The following ARHGAP28 variants were observed in gnomAD, a reference collection of about 807,000 sequenced individuals.
The protein encoded by ARHGAP28 is rho GTPase-activating protein 28.
A neutral mutation model predicts 90.7 loss-of-function variants in ARHGAP28; 56 were observed. The ratio of observed to expected loss-of-function variants is 0.62; its 90% CI spans 0.50 to 0.77. The LOEUF is 0.77. Among genes scored for constraint, ARHGAP28 ranks in the 30% least tolerant of loss-of-function variants. The pLI is 0.00. For missense variants in ARHGAP28, 869 were observed against 900.9 expected (o/e 0.96, Z 0.45); for synonymous variants, 308 against 323.3 (o/e 0.95, Z 0.51).
chr18:6,835,615 A>G (rs945501335), intron 2 of ARHGAP28, among the ~76,000 whole-genome samples: 13 of 152,230 alleles, frequency 8.5e-5, no homozygotes, highest in East Asian at 5.8e-4. Flanking sequence ...TCTTTAAACA[A>G]CCCTCACTTG....
chr18:6,786,396 A>G (rs941296704), intron 1 of ARHGAP28, among the ~76,000 whole-genome samples: 4 of 152,178 alleles, frequency 2.6e-5, no homozygotes, highest in Non-Finnish European at 4.4e-5. Context: ...ACCCAGGTCA[A>G]GATAAGCTGG....
intron 1 of ARHGAP28, among the ~76,000 whole-genome samples, chr18:6,803,330 T>C (rs1438672694): frequency 1.3e-5 from 2 of 152,198 alleles, no homozygotes; most frequent in East Asian, 3.8e-4. Context: ...TTCCCATATA[T>C]TGCGATGATC....
intron 14 of ARHGAP28, among the ~76,000 whole-genome samples, chr18:6,894,344 A>C: frequency 6.6e-6 from 1 of 152,190 alleles, no homozygotes; most frequent in East Asian, 1.9e-4. Context: ...CAGGTGTATA[A>C]ACCTTCTGAG....
At chr18:6,811,951 GAGA>G (rs2056560190) in intron 1 of ARHGAP28, among the ~76,000 whole-genome samples, 1 of 151,992 alleles carries the variant, frequency 6.6e-6, no homozygotes, top group Non-Finnish European at 1.5e-5. Flanking sequence ...GACATTTTTC[GAGA>G]AGAATTCTAT....
chr18:6,764,235 G>A (rs570112611), intron 1 of ARHGAP28, among the ~76,000 whole-genome samples: 2 of 152,032 alleles, frequency 1.3e-5, no homozygotes, highest in African/African-American at 4.8e-5. Flanking sequence ...TACAATCCAG[G>A]GTGCATGAAT....
intron 2 of ARHGAP28, among the ~76,000 whole-genome samples, chr18:6,830,972 T>C (rs563432197): frequency 6.6e-5 from 10 of 152,346 alleles, no homozygotes; most frequent in African/African-American, 2.2e-4. Context: ...GTATTTTTCA[T>C]AGAATGTTTA....
chr18:6,895,454 C>A (rs2057297734), intron 15 of ARHGAP28, among the ~76,000 whole-genome samples: 1 of 152,192 alleles, frequency 6.6e-6, no homozygotes, highest in Non-Finnish European at 1.5e-5. Context: ...ATTTATGATT[C>A]TTTCACAGTT....
intron 1 of ARHGAP28, among the ~76,000 whole-genome samples, chr18:6,822,043 T>G (rs1835024470): frequency 6.6e-6 from 1 of 152,056 alleles, no homozygotes; most frequent in South Asian, 2.1e-4. Context: ...ATTACCGTAT[T>G]GGCTTGAAAA....
At chr18:6,910,233 T>C (rs536954229) in intron 17 of ARHGAP28, among the ~76,000 whole-genome samples, 1 of 152,312 alleles carries the variant, frequency 6.6e-6, no homozygotes, top group Admixed American at 6.5e-5. Flanking sequence ...CTGACTGTCT[T>C]CCCACTTTTC....
At chr18:6,785,383 T>C (rs971053962) in intron 1 of ARHGAP28, among the ~76,000 whole-genome samples, 2 of 152,244 alleles carry the variant, frequency 1.3e-5, no homozygotes, top group African/African-American at 4.8e-5. Context: ...TCCTCACTCC[T>C]TCCTGGCACT....
chr18:6,864,959 A>G (rs1204422782), intron 5 of ARHGAP28, among the ~76,000 whole-genome samples: 1 of 152,112 alleles, frequency 6.6e-6, no homozygotes, highest in Non-Finnish European at 1.5e-5. Context: ...AAGTACAGCG[A>G]TTTCCCATAT....
At chr18:6,804,073 C>T (rs931781998) in intron 1 of ARHGAP28, among the ~76,000 whole-genome samples, 2 of 152,218 alleles carry the variant, frequency 1.3e-5, no homozygotes, top group African/African-American at 4.8e-5. Flanking sequence ...GCCACCACAA[C>T]CAGCCTCTTG....
chr18:6,776,500 C>T (rs986257242), intron 1 of ARHGAP28, among the ~76,000 whole-genome samples: 3 of 152,148 alleles, frequency 2.0e-5, no homozygotes, highest in South Asian at 2.1e-4. Flanking sequence ...GTGCTGCTGG[C>T]GGTAAGACTG....
chr18:6,827,945 G>C (rs2056685452), intron 2 of ARHGAP28, among the ~76,000 whole-genome samples: 1 of 151,988 alleles, frequency 6.6e-6, no homozygotes. Context: ...TTCCCAGACG[G>C]GGTGGCGGCC....
intron 2 of ARHGAP28, among the ~76,000 whole-genome samples, chr18:6,835,702 T>A (rs2056747986): frequency 6.6e-6 from 1 of 152,198 alleles, no homozygotes; most frequent in South Asian, 2.1e-4. Context: ...TTATTCTGAT[T>A]TCCTTATATT....
At chr18:6,831,552 A>ATATG (rs1471685719) in intron 2 of ARHGAP28, among the ~76,000 whole-genome samples, 37 of 143,658 alleles carry the variant, frequency 2.6e-4, no homozygotes, top group African/African-American at 9.4e-4. Context: ...GGTTAGTTAC[A>ATATG]TATGTATACA....
intron 1 of ARHGAP28, among the ~76,000 whole-genome samples, chr18:6,797,058 T>A (rs964432362): frequency 6.6e-6 from 1 of 152,234 alleles, no homozygotes; most frequent in Non-Finnish European, 1.5e-5. Flanking sequence ...CAAATATTTA[T>A]TGAAAGTAAA....
intron 1 of ARHGAP28, among the ~76,000 whole-genome samples, chr18:6,805,552 C>A (rs1299414665): frequency 1.5e-5 from 2 of 131,836 alleles, no homozygotes; most frequent in Non-Finnish European, 3.1e-5. Context: ...ATGGCACGAT[C>A]TCAGCTCACT....
chr18:6,866,493 C>G (rs1028463883), intron 5 of ARHGAP28, among the ~76,000 whole-genome samples: 1 of 152,174 alleles, frequency 6.6e-6, no homozygotes, highest in African/African-American at 2.4e-5. Flanking sequence ...AGTTCCAGCT[C>G]AAGTCCAACC....
Sources: gnomAD v4.1 joint callset for allele counts (sites outside exome capture counted in the v4.1 genomes callset) on GRCh38, gnomAD v4.1.1 for gene constraint, MANE v1.5 for transcripts, NCBI Gene and HGNC (gene_info 2026-07-23, HGNC 2026-07-21) for gene names.